Variants in AKAP19 observed in about 807,000 individuals in gnomAD.
AKAP19 encodes the protein small A-kinase anchoring protein.
chr2:190,104,394 C>T, the AKAP19 span, among the ~76,000 whole-genome samples: 2 of 152,178 alleles, frequency 1.3e-5, no homozygotes, highest in African/African-American at 4.8e-5. Context: ...ACAGAGTAAA[C>T]AGGCAACCAA....
chr2:189,943,552 T>C, the AKAP19 span, among the ~76,000 whole-genome samples: 1 of 151,928 alleles, frequency 6.6e-6, no homozygotes, highest in Non-Finnish European at 1.5e-5. Flanking sequence ...CCACACAGAG[T>C]CCCCAATGGG....
chr2:190,054,242 G>A, the AKAP19 span, among the ~76,000 whole-genome samples: 5 of 151,982 alleles, frequency 3.3e-5, no homozygotes, highest in African/African-American at 1.2e-4. Flanking sequence ...AATAGGGAAA[G>A]GATTCCCTAT....
At chr2:189,982,335 T>C in the AKAP19 span, among the ~76,000 whole-genome samples, 13 of 152,300 alleles carry the variant, frequency 8.5e-5, no homozygotes, top group Non-Finnish European at 1.3e-4. Context: ...TTAGTGAATT[T>C]TTCAATTCCA....
the AKAP19 span, among the ~76,000 whole-genome samples, chr2:189,996,949 G>A: frequency 1.4e-4 from 22 of 152,236 alleles, no homozygotes; most frequent in Non-Finnish European, 7.3e-5. Flanking sequence ...TGTGATCTGT[G>A]TTCAGGTCTC....
chr2:190,117,958 A>T, the AKAP19 span, among the ~76,000 whole-genome samples: 1 of 152,204 alleles, frequency 6.6e-6, no homozygotes, highest in Non-Finnish European at 1.5e-5. Context: ...AGATCAACAA[A>T]ATTGATAGAC....
the AKAP19 span, among the ~76,000 whole-genome samples, chr2:190,005,062 TTTCC>T: frequency 1.3e-5 from 2 of 152,304 alleles, no homozygotes; most frequent in South Asian, 4.2e-4. Context: ...TCCTGAGTTC[TTTCC>T]TTCCAGTGAG....
chr2:189,962,570 A>C, the AKAP19 span, among the ~76,000 whole-genome samples: 2 of 152,190 alleles, frequency 1.3e-5, no homozygotes, highest in Non-Finnish European at 2.9e-5. Flanking sequence ...CAATTGAAAA[A>C]CTTTTAGATC....
the AKAP19 span, among the ~76,000 whole-genome samples, chr2:190,104,223 C>G: frequency 6.6e-6 from 1 of 152,196 alleles, no homozygotes; most frequent in African/African-American, 2.4e-5. Context: ...AGACCTCAAA[C>G]TGTAAGAATC....
At chr2:189,888,838 T>TG in the AKAP19 span, among the ~76,000 whole-genome samples, 2 of 152,368 alleles carry the variant, frequency 1.3e-5, no homozygotes, top group Admixed American at 1.3e-4. Flanking sequence ...AAGGAGATTT[T>TG]GAGCTGAGAT....
At chr2:189,976,813 A>C in the AKAP19 span, among the ~76,000 whole-genome samples, 4 of 152,160 alleles carry the variant, frequency 2.6e-5, no homozygotes, top group Non-Finnish European at 1.5e-5. Flanking sequence ...GCCGTTTACT[A>C]AGATTGTTGG....
the AKAP19 span, among the ~76,000 whole-genome samples, chr2:190,160,108 G>A: frequency 4.6e-5 from 7 of 152,138 alleles, no homozygotes; most frequent in Non-Finnish European, 1.0e-4. Context: ...CCTAGCTGAG[G>A]TTTTCATGGA....
the AKAP19 span, among the ~76,000 whole-genome samples, chr2:189,902,739 T>C: frequency 6.6e-6 from 1 of 152,042 alleles, no homozygotes; most frequent in African/African-American, 2.4e-5. Flanking sequence ...AAAAACTGTA[T>C]ACTTCGCTTT....
At chr2:190,188,658 G>T in the AKAP19 span, among the ~76,000 whole-genome samples, 3 of 152,154 alleles carry the variant, frequency 2.0e-5, no homozygotes, top group African/African-American at 7.2e-5. Context: ...TTCTTCACTG[G>T]TGTGCAGGCT....
At chr2:190,121,303 G>C in the AKAP19 span, among the ~76,000 whole-genome samples, 1 of 152,078 alleles carries the variant, frequency 6.6e-6, no homozygotes, top group South Asian at 2.1e-4. Context: ...TGTAAGGACA[G>C]GGTCTCTCTA....
chr2:190,107,898 C>T, the AKAP19 span, among the ~76,000 whole-genome samples: 1 of 152,114 alleles, frequency 6.6e-6, no homozygotes, highest in African/African-American at 2.4e-5. Context: ...TTGAAGCATC[C>T]AATGCCTTCA....
At chr2:190,069,473 G>T in the AKAP19 span, among the ~76,000 whole-genome samples, 2 of 151,978 alleles carry the variant, frequency 1.3e-5, no homozygotes, top group African/African-American at 2.4e-5. Flanking sequence ...TAATTTTTTT[G>T]ATTTAGATTT....
chr2:190,113,277 T>C, the AKAP19 span, among the ~76,000 whole-genome samples: 1 of 152,200 alleles, frequency 6.6e-6, no homozygotes, highest in Non-Finnish European at 1.5e-5. Flanking sequence ...CTTTAATCAG[T>C]AACTGAGACA....
chr2:189,959,338 C>T, the AKAP19 span, among the ~76,000 whole-genome samples: 1 of 152,066 alleles, frequency 6.6e-6, no homozygotes, highest in Admixed American at 6.6e-5. Flanking sequence ...AGATAACCAA[C>T]TGCTATTTCA....
At chr2:189,995,000 A>G in the AKAP19 span, among the ~76,000 whole-genome samples, 7 of 152,216 alleles carry the variant, frequency 4.6e-5, no homozygotes, top group Admixed American at 4.6e-4. Flanking sequence ...GGTAGTTGAT[A>G]TAATTTTGAT....
Sources: gnomAD v4.1 joint callset for allele counts (sites outside exome capture counted in the v4.1 genomes callset) on GRCh38, gnomAD v4.1.1 for gene constraint, MANE v1.5 for transcripts, NCBI Gene and HGNC (gene_info 2026-07-23, HGNC 2026-07-21) for gene names.